The following IRX6 variants were observed in gnomAD, a reference collection of about 807,000 sequenced individuals.
The protein encoded by IRX6 is iroquois-class homeodomain protein IRX-6.
IRX6 carries 46 observed loss-of-function variants against 47.7 expected under a neutral mutation model. That is an observed-to-expected ratio of 0.96 (90% CI 0.76 to 1.23). IRX6 has a LOEUF of 1.23. Among genes scored for constraint, IRX6 ranks in the 50% most tolerant of loss-of-function variants. The probability of loss-of-function intolerance (pLI) is 0.00; values close to 1 mark genes in which losing one functional copy is unlikely to be tolerated. For synonymous variants in IRX6, 265 were observed against 246.2 expected, an observed-to-expected ratio of 1.08 and a Z score of -0.72; for missense variants, 722 against 588.0, an observed-to-expected ratio of 1.23 and a Z score of -2.36.
Position 55,327,636 on chromosome 16 carries a change from G to A in IRX6, c.464G>A (p.Arg155Gln), listed in dbSNP as rs771747342. The A allele has an allele frequency of 6.5e-5, 105 of 1,611,478 alleles. No homozygotes were observed. The highest frequency in any genetic ancestry group is 2.1e-4 in the South Asian group (19 of 90,900). Residue 155 changes from arginine (R) to glutamine (Q), a missense_variant, in exon 4 of 6, where the codon CGG (arginine) becomes CAG (glutamine). By Grantham distance (43) the Arg-to-Gln change is conservative (BLOSUM62 1). Transcript: ENST00000290552. ...GCCGGTCGCCGAAAGAACGCGACCC[G>A]GGAGACCACCAGTACACTCAAGGCC... is the stretch of plus-strand genomic sequence containing the variant. ...SGAGRRKNAT[R>Q]ETTSTLKAWL...
At chr16:55,326,189 T>C (rs1960518033) in intron 1 of IRX6, 147 bp from the exon 2 acceptor site, 1 of 735,824 alleles carries the variant, frequency 1.4e-6, no homozygotes, top group South Asian at 1.9e-5. Context: ...AGGTGGCATT[T>C]AGTTAATGCA....
chr16:55,327,298 T>A lies in IRX6; in HGVS notation c.306T>A (p.Asn102Lys), dbSNP rs1384721331. The change falls in exon 3 of 6, where the codon AAT becomes AAA. Residue 102 changes from asparagine to lysine, a missense_variant and splice_region_variant. Transcript: ENST00000290552. ...PEPPSLYGAL[N>K]PQYEFKEAAG... The stretch of plus-strand genomic sequence containing the variant: ...ATTCTCTTTTCCTCTCCCTCTAGAA[T>A]CCACAGTATGAATTTAAGGAGGCTG... 6.2e-7 allele frequency: 1 copy of A among 1,611,030 alleles called. No homozygotes were observed. The highest frequency in any genetic ancestry group is 1.1e-5 in the South Asian group (1 of 90,986).
chr16:55,328,561 G>C (rs1960578332), intron 4 of IRX6, 139 bp from the exon 5 acceptor site: 1 of 851,728 alleles, frequency 1.2e-6, no homozygotes, highest in East Asian at 2.4e-5. Flanking sequence ...TGCAAGGGGT[G>C]GTACGGCAGG....
rs144578566 is a variant in IRX6, at chr16:55,325,132, C to G, written c.41C>G (p.Ser14Cys). 142 of 1,613,888 alleles carry G rather than the reference C, an allele frequency of 8.8e-5. No homozygotes were observed. In the African/African-American group the frequency reaches 1.7e-3, roughly 19 times the overall value. The change falls in exon 1 of 6, where the codon TCC becomes TGC. Residue 14 changes from serine (S) to cysteine (C), a missense_variant. Transcript: ENST00000290552. ...TTTGGACACCCGTACCGCGGCGCTT[C>G]CCAGGTAAGAGGCGCCTCTATGGGG... ...PHFGHPYRGA[S>C]QFLASASSST... is the part of the protein sequence containing the mutation.
chr16:55,330,539 A>C lies in IRX6; in HGVS notation c.*234A>C. ...ATGGCAGGGCACCTTGGGGAAGGCC[A>C]AGTGGGAGGCTGGGAGGCTGCCCCA... is the stretch of plus-strand genomic sequence containing the variant. On this transcript the variant is annotated 3_prime_UTR_variant, in exon 6 of 6. Transcript: ENST00000290552. 3 of 579,968 alleles carry C rather than the reference A, an allele frequency of 5.2e-6. No homozygotes were observed. In the South Asian group the frequency reaches 6.2e-5, roughly 12 times the overall value. 35.9% of individuals were successfully genotyped at this position (579,968 alleles called of 1,614,324 possible).
Position 55,325,071 on chromosome 16 carries a change from G to A in IRX6, c.-21G>A. ...ACGGGAACTCGACAGGGAAGAGAGA[G>A]ACGGGCCAGGGACAGCCACCATGTC... On this transcript the variant is annotated 5_prime_UTR_variant, in exon 1 of 6. Transcript: ENST00000290552. 6.2e-7 allele frequency: 1 copy of A among 1,613,990 alleles called. No homozygotes were observed. The highest frequency in any genetic ancestry group is 8.5e-7 in the Non-Finnish European group (1 of 1,179,970).
At position 55,330,283 on chromosome 16, in the gene IRX6, C is replaced by A; in HGVS notation, c.1334-15C>A. 6.2e-7 allele frequency: 1 copy of A among 1,613,478 alleles called. No homozygotes were observed. The highest frequency in any genetic ancestry group is 8.5e-7 in the Non-Finnish European group (1 of 1,179,392). ...TAAACAGCCTTTGGGTTTTAATCAA[C>A]CTTTCCTCTCTCAGCAGGTTAGCGC... On this transcript the variant is annotated splice_polypyrimidine_tract_variant and intron_variant, in intron 5 of 5. Transcript: ENST00000290552.
At chr16:55,326,960 G>A (rs1191292876) in intron 2 of IRX6, 3 of 103,800 alleles carry the variant, frequency 2.9e-5, no homozygotes, top group Non-Finnish European at 5.4e-5. Flanking sequence ...GGCAGGGGGC[G>A]GGGGGTGGGG....
chr16:55,329,053 A>T lies in IRX6; in HGVS notation c.1075A>T (p.Thr359Ser), dbSNP rs200538269. 1.2e-5 allele frequency: 20 copies of T among 1,613,976 alleles called. No individual in the cohort carries two copies. The South Asian group carries it at 1.3e-4, about 11-fold the overall frequency. Residue 359 changes from threonine (T) to serine (S), a missense_variant, in exon 5 of 6, where the codon ACA becomes TCA. Coordinates refer to ENST00000290552, the MANE Select transcript of IRX6 (RefSeq NM_024335.3). ...PRIWSLAHTA[T>S]ASAVEGAPPA... The stretch of plus-strand genomic sequence containing the variant: ...CATCTGGTCTCTGGCGCACACCGCG[A>T]CAGCCAGCGCTGTTGAAGGTGCACC...
intron 1 of IRX6, 56 bp from the exon 2 acceptor site, chr16:55,326,280 G>A: frequency 7.1e-7 from 1 of 1,408,148 alleles, no homozygotes; most frequent in Non-Finnish European, 9.6e-7. Context: ...CGGGAGCGGG[G>A]GCGGGGGTGG....
chr16:55,329,287 T>C lies in IRX6; in HGVS notation c.1309T>C (p.Cys437Arg). 6.2e-7 allele frequency: 1 copy of C among 1,606,950 alleles called. No homozygotes were observed. The highest frequency in any genetic ancestry group is 8.5e-7 in the Non-Finnish European group (1 of 1,175,754). The change falls in exon 5 of 6, where the codon TGC becomes CGC. Residue 437 changes from cysteine to arginine, a missense_variant. Coordinates refer to ENST00000290552, the MANE Select transcript of IRX6 (RefSeq NM_024335.3). Reference sequence around the variant, plus strand: ...GCGGAGGAGCGAGCCTGTAGTGCAGTGCCAGTACCCGTCTGGAGCAGAAGG... The same window carrying C: ...GCGGAGGAGCGAGCCTGTAGTGCAGCGCCAGTACCCGTCTGGAGCAGAAGG... Reference protein sequence around the residue: ...CPRRSEPVVQCQYPSGAEAG With the variant: ...CPRRSEPVVQRQYPSGAEAG
rs951784258 is a variant in IRX6 at position 55,325,023 on chromosome 16, G to C, written c.-69G>C. On this transcript the variant is annotated 5_prime_UTR_variant, in exon 1 of 6. Transcript: ENST00000290552. Reference sequence around the variant, plus strand: ...AGGAACTGAGACACCTCACTGCTGGGGGCGCGGAACAGCTGGGCTGAGACG... The same window carrying C: ...AGGAACTGAGACACCTCACTGCTGGCGGCGCGGAACAGCTGGGCTGAGACG... The C allele has an allele frequency of 2.7e-5, 41 of 1,529,774 alleles. No individual in the cohort carries two copies. Among genetic ancestry groups the C allele is most frequent in the Admixed American group, 1.3e-4 (8 of 59,782 alleles). The allele number at this position is 1,529,774 out of a possible 1,614,324, so 94.8% of individuals were successfully genotyped here.
rs1960530553 is a variant in IRX6, at chr16:55,326,547, G to A, written c.257G>A (p.Gly86Asp). The change falls in exon 2 of 6, where the codon GGC (glycine) becomes GAC (aspartate). Residue 86 changes from glycine to aspartate, a missense_variant. By Grantham distance (94) the Gly-to-Asp change is moderately conservative. Transcript: ENST00000290552. ...AAAAAAQSYPGYLPYSPEPPS... is the reference protein window; with the variant it reads ...AAAAAAQSYPDYLPYSPEPPS... ...GCTGCAGCTGCCCAGAGCTACCCTG[G>A]CTACCTGCCCTATAGCCCAGAGCCC... is the stretch of plus-strand genomic sequence containing the variant. The A allele has an allele frequency of 6.3e-7, 1 of 1,585,120 alleles. No individual in the cohort carries two copies. Among genetic ancestry groups the A allele is most frequent in the Non-Finnish European group, 8.6e-7 (1 of 1,164,770 alleles).
In IRX6 at chr16:55,328,932, C is replaced by T. The variant is rs141498264; in HGVS notation, c.954C>T (p.Phe318=). The change falls in exon 5 of 6, where the codon TTC becomes TTT. Residue 318 remains phenylalanine (F), a synonymous_variant. Coordinates refer to ENST00000290552, the MANE Select transcript of IRX6 (RefSeq NM_024335.3). ...ECGLAAPRFS[F]NDPSGSEEAD... ...GCCTGGCTGCGCCCCGCTTCTCCTT[C>T]AATGACCCTTCCGGATCGGAAGAAG... is the stretch of plus-strand genomic sequence containing the variant. 4.6e-5 allele frequency: 75 copies of T among 1,613,334 alleles called. No homozygotes were observed. The highest frequency in any genetic ancestry group is 6.1e-5 in the Non-Finnish European group (72 of 1,180,018).
In IRX6 at chr16:55,326,631, A is replaced by T. The variant is rs373165170; in HGVS notation, c.303+38A>T. On this transcript the variant is annotated intron_variant, in intron 2 of 5. Coordinates refer to ENST00000290552, the MANE Select transcript of IRX6 (RefSeq NM_024335.3). The stretch of plus-strand genomic sequence containing the variant: ...GTGGAGTCCCAGGGGAGTGAGCAGT[A>T]GAGACAGGTGAAATCCAGAGAAAGT... 56 of 1,469,062 alleles carry T rather than the reference A, an allele frequency of 3.8e-5. 1 individual carries two copies. In the South Asian group the frequency reaches 4.6e-4, roughly 12 times the overall value. 91.0% of individuals were successfully genotyped at this position (1,469,062 alleles called of 1,614,324 possible). A position where few individuals can be genotyped will look rare whatever the true frequency, so the allele number is the denominator to read the frequency against.
At position 55,326,517 on chromosome 16, in the gene IRX6, C is replaced by T. The variant is rs747111124; in HGVS notation, c.227C>T (p.Ala76Val). The change falls in exon 2 of 6, where the codon GCG becomes GTG. Residue 76 changes from alanine to valine, a missense_variant. By Grantham distance (64) the Ala-to-Val change is moderately conservative (BLOSUM62 0). Transcript: ENST00000290552. ...TTGGGCATCTATGGAGCACCCTATG[C>T]GGCCGCTGCAGCTGCCCAGAGCTAC... Reference protein sequence around the residue: ...AALGIYGAPYAAAAAAQSYPG... With the variant: ...AALGIYGAPYVAAAAAQSYPG... 1.9e-6 allele frequency: 3 copies of T among 1,606,050 alleles called. No individual in the cohort carries two copies. The highest frequency in any genetic ancestry group is 1.7e-5 in the Admixed American group (1 of 59,038).
At position 55,329,157 on chromosome 16, in the gene IRX6, A is replaced by C; in HGVS notation, c.1179A>C (p.Ser393=). 1 of 1,614,096 alleles carries C rather than the reference A, an allele frequency of 6.2e-7. No homozygotes were observed. The highest frequency in any genetic ancestry group is 8.5e-7 in the Non-Finnish European group (1 of 1,180,030). ...CTCCTGCCTCTGCCCGGCGACTCTC[A>C]GTCCCCAGAGACTCCGCGTGCGACG... ...GQPPASARRL[S]VPRDSACDES... is the part of the protein sequence containing the mutation. The change falls in exon 5 of 6, where the codon TCA becomes TCC. Residue 393 remains serine (S), a synonymous_variant. Transcript: ENST00000290552.
rs375917896 is a variant in IRX6 at position 55,330,318 on chromosome 16, G to A, written c.*13G>A. 1.2e-6 allele frequency: 2 copies of A among 1,613,554 alleles called. No individual in the cohort carries two copies. The highest frequency in any genetic ancestry group is 1.7e-6 in the Non-Finnish European group (2 of 1,179,592). ...CTCAGCAGGTTAGCGCAATGGCTGC[G>A]ATTTGCGAAAGAATCTTGGAAATGG... On this transcript the variant is annotated 3_prime_UTR_variant, in exon 6 of 6. Coordinates refer to ENST00000290552, the MANE Select transcript of IRX6 (RefSeq NM_024335.3).
In IRX6 at chr16:55,327,896, A is replaced by G; in HGVS notation, c.721+3A>G. 11 of 1,586,548 alleles carry G rather than the reference A, an allele frequency of 6.9e-6. No individual in the cohort carries two copies. The highest frequency in any genetic ancestry group is 1.2e-5 in the South Asian group (1 of 86,762). On this transcript the variant is annotated splice_donor_region_variant and intron_variant, in intron 4 of 5. Coordinates refer to ENST00000290552, the MANE Select transcript of IRX6 (RefSeq NM_024335.3). Reference sequence around the variant, plus strand: ...CTGCCTAACTGCTGACACCAAAGGTACTGAAAACGTTCACCACCCCACCTT... The same window carrying G: ...CTGCCTAACTGCTGACACCAAAGGTGCTGAAAACGTTCACCACCCCACCTT...
Sources: allele counts gnomAD v4.1 joint callset, GRCh38; gene constraint gnomAD v4.1.1; transcripts MANE v1.5; gene names NCBI Gene and HGNC (gene_info 2026-07-23, HGNC 2026-07-21).